B3GLCT: variants seen among roughly 807,000 people sequenced by gnomAD.
B3GLCT encodes the protein beta-1,3-glucosyltransferase.
A neutral mutation model predicts 63.4 loss-of-function variants in B3GLCT; 65 were observed. The observed-to-expected ratio is 1.03, with a 90% CI of 0.84 to 1.26. The LOEUF (loss-of-function observed/expected upper bound fraction) is 1.26. Among genes scored for constraint, B3GLCT ranks in the 50% most tolerant of loss-of-function variants. B3GLCT has a pLI of 0.00. For synonymous variants in B3GLCT, 233 were observed against 219.2 expected (o/e 1.06, Z -0.55); for missense variants, 577 against 604.8 (o/e 0.95, Z 0.48).
chr13:31,226,505 T>A (rs1177406946), intron 3 of B3GLCT, among the ~76,000 whole-genome samples: 1 of 152,242 alleles, frequency 6.6e-6, no homozygotes, highest in Non-Finnish European at 1.5e-5. Flanking sequence ...TGCTGTTGTC[T>A]TCAATGAGAA....
chr13:31,239,891 A>G (rs1440908751), intron 4 of B3GLCT, among the ~76,000 whole-genome samples: 1 of 152,226 alleles, frequency 6.6e-6, no homozygotes, highest in African/African-American at 2.4e-5. Flanking sequence ...AGGTTCTAGT[A>G]AAGCAAGAAT....
At chr13:31,289,501 T>G (rs1348696766) in intron 12 of B3GLCT, among the ~76,000 whole-genome samples, 1 of 152,148 alleles carries the variant, frequency 6.6e-6, no homozygotes, top group Non-Finnish European at 1.5e-5. Flanking sequence ...AGAAAGAATC[T>G]TTAAAATTAG....
At chr13:31,209,763 A>G (rs1869162537) in intron 1 of B3GLCT, among the ~76,000 whole-genome samples, 1 of 152,124 alleles carries the variant, frequency 6.6e-6, no homozygotes, top group African/African-American at 2.4e-5. Flanking sequence ...CCAAAAGTTT[A>G]GGCATTATCT....
chr13:31,276,200 T>G (rs1456559646), intron 9 of B3GLCT, among the ~76,000 whole-genome samples: 1 of 152,014 alleles, frequency 6.6e-6, no homozygotes, highest in Non-Finnish European at 1.5e-5. Flanking sequence ...TAGACTTGGG[T>G]CGCCAGTAAA....
At chr13:31,308,332 TA>T (rs555437821) in intron 12 of B3GLCT, among the ~76,000 whole-genome samples, 17,440 of 32,738 alleles carry the variant, frequency 0.53, 3,657 homozygotes, top group Non-Finnish European at 0.58. Flanking sequence ...TAGAGTATAA[TA>T]AAAAAAAAAA....
chr13:31,309,722 A>C (rs1246768981), intron 12 of B3GLCT, among the ~76,000 whole-genome samples: 1 of 152,194 alleles, frequency 6.6e-6, no homozygotes, highest in Non-Finnish European at 1.5e-5. Context: ...GCACATGTTT[A>C]GCTATCCAGG....
At chr13:31,325,807 A>G (rs1875576167) in intron 14 of B3GLCT, among the ~76,000 whole-genome samples, 1 of 152,232 alleles carries the variant, frequency 6.6e-6, no homozygotes, top group African/African-American at 2.4e-5. Context: ...AATATGAGGC[A>G]AAGAGATAAA....
At chr13:31,300,418 C>G (rs1874167053) in intron 12 of B3GLCT, among the ~76,000 whole-genome samples, 1 of 152,176 alleles carries the variant, frequency 6.6e-6, no homozygotes, top group South Asian at 2.1e-4. Flanking sequence ...TTCATTAAGA[C>G]TGTAATATTG....
chr13:31,229,391 T>C, intron 4 of B3GLCT, 97 bp downstream of exon 4: 1 of 783,878 alleles, frequency 1.3e-6, no homozygotes, highest in Non-Finnish European at 2.3e-6. Context: ...AGTTTTTATT[T>C]AGACGAGAAT....
intron 7 of B3GLCT, among the ~76,000 whole-genome samples, chr13:31,268,394 T>C (rs1283866925): frequency 6.6e-6 from 1 of 152,168 alleles, no homozygotes; most frequent in Admixed American, 6.5e-5. Context: ...GAGGAGAAAG[T>C]ATAGCACAGA....
At chr13:31,258,556 G>A (rs147777384) in intron 6 of B3GLCT, among the ~76,000 whole-genome samples, 17 of 151,928 alleles carry the variant, frequency 1.1e-4, no homozygotes, top group African/African-American at 4.1e-4. Context: ...TTCTGAGTTG[G>A]GAGCAATTTT....
intron 10 of B3GLCT, chr13:31,283,229 A>G (rs1873155896): frequency 6.6e-6 from 1 of 152,224 alleles, no homozygotes; most frequent in Non-Finnish European, 1.5e-5. Context: ...AGCTTCTTCC[A>G]GCATTATGCA....
At chr13:31,242,499 G>T (rs1264052998) in intron 4 of B3GLCT, among the ~76,000 whole-genome samples, 1 of 152,188 alleles carries the variant, frequency 6.6e-6, no homozygotes, top group East Asian at 1.9e-4. Flanking sequence ...CATGCCAAGT[G>T]CCTGGCATGT....
At chr13:31,203,075 A>G (rs1868766127) in intron 1 of B3GLCT, among the ~76,000 whole-genome samples, 1 of 152,178 alleles carries the variant, frequency 6.6e-6, no homozygotes, top group Admixed American at 6.5e-5. Flanking sequence ...CCTGTCTGTC[A>G]CTTCCCTGTG....
At chr13:31,264,122 G>T (rs928504301) in intron 7 of B3GLCT, among the ~76,000 whole-genome samples, 1 of 151,998 alleles carries the variant, frequency 6.6e-6, no homozygotes, top group Non-Finnish European at 1.5e-5. Flanking sequence ...ATTCATGAGA[G>T]TTCCCTCCCC....
At chr13:31,291,009 C>A (rs938572179) in intron 12 of B3GLCT, among the ~76,000 whole-genome samples, 12 of 152,162 alleles carry the variant, frequency 7.9e-5, no homozygotes, top group African/African-American at 2.9e-4. Flanking sequence ...ACATGTAACT[C>A]TTTAATCCAT....
rs74589247 is a variant in B3GLCT at position 31,312,092 on chromosome 13, G to A, written c.1065-5474G>A. On this transcript the variant is annotated intron_variant, in intron 12 of 14. Transcript: ENST00000343307. ...GGCAGAGCCTTCAGTGGCAAATGCC[G>A]GGTGCTTATCACAAGTGACAGCAAG... 5.7e-3 allele frequency among the ~76,000 whole-genome samples: 861 copies of A among 152,266 alleles called. 12 individuals carry two copies. The highest frequency in any genetic ancestry group is 0.019 in the African/African-American group (806 of 41,558).
At chr13:31,274,662 A>G (rs371104342) in intron 9 of B3GLCT, 34 bp downstream of exon 9, 1 of 1,613,062 alleles carries the variant, frequency 6.2e-7, no homozygotes, top group Non-Finnish European at 8.5e-7. Context: ...TTTGCATATC[A>G]AAGGAAAAAT....
At chr13:31,281,166 C>T (rs1873050282) in intron 10 of B3GLCT, among the ~76,000 whole-genome samples, 1 of 152,124 alleles carries the variant, frequency 6.6e-6, no homozygotes, top group Non-Finnish European at 1.5e-5. Context: ...GTGGGATGCT[C>T]TCCTGCAGTC....
Sources: gnomAD v4.1 joint callset for allele counts (sites outside exome capture counted in the v4.1 genomes callset) on GRCh38, gnomAD v4.1.1 for gene constraint, MANE v1.5 for transcripts, NCBI Gene and HGNC (gene_info 2026-07-23, HGNC 2026-07-21) for gene names.